Variants in AIPL1 observed in about 807,000 individuals in gnomAD.
The protein encoded by AIPL1 is aryl-hydrocarbon-interacting protein-like 1.
In AIPL1, 23 loss-of-function variants were observed where a neutral mutation model predicts 32.9. The observed-to-expected ratio is 0.70, with a 90% CI of 0.50 to 0.99. AIPL1 has a LOEUF of 0.99. AIPL1 is among the 50% of genes least tolerant of loss of function. AIPL1 has a pLI of 0.00. For missense variants in AIPL1, 485 were observed against 506.0 expected (o/e 0.96, Z 0.40); for synonymous variants, 210 against 209.4 (o/e 1.00, Z -0.02).
In AIPL1 at chr17:6,425,584, G is replaced by A; in HGVS notation, c.1031C>T (p.Ala344Val). 6.2e-7 allele frequency: 1 copy of A among 1,613,420 alleles called. No individual in the cohort carries two copies. Among genetic ancestry groups the A allele is most frequent in the Non-Finnish European group, 8.5e-7 (1 of 1,179,802 alleles). The change falls in exon 6 of 6, where the codon GCA becomes GTA. Residue 344 changes from alanine to valine, a missense_variant. Physicochemically the swap from Ala to Val is moderately conservative, Grantham distance 64. Coordinates refer to ENST00000381129, the MANE Select transcript of AIPL1 (RefSeq NM_014336.5). ...PPAEPPTEPP[A>V]QSSTEPPAEP... ...TGCAGGTGGCTCTGTGGATGACTGT[G>A]CGGGTGGCTCTGTGGGTGGCTCTGC...
At position 6,432,804 on chromosome 17, in the gene AIPL1, T is replaced by C. The variant is rs578002742; in HGVS notation, c.276+1115A>G. Among the ~76,000 whole-genome samples, 108 of 152,312 alleles carry C rather than the reference T, an allele frequency of 7.1e-4. 1 individual carries two copies. Among genetic ancestry groups the C allele is most frequent in the African/African-American group, 2.5e-3 (103 of 41,572 alleles). On this transcript the variant is annotated intron_variant, in intron 2 of 5. Coordinates refer to ENST00000381129, the MANE Select transcript of AIPL1 (RefSeq NM_014336.5). ...TGCCACCACGCCCAGCTAATTTTTGTATTTTTGGTAGAGACGGGGTTTCAC... is the reference window on the plus strand; with the variant it reads ...TGCCACCACGCCCAGCTAATTTTTGCATTTTTGGTAGAGACGGGGTTTCAC...
chr17:6,432,428 C>T (rs1200259762), intron 2 of AIPL1, among the ~76,000 whole-genome samples: 1 of 151,902 alleles, frequency 6.6e-6, no homozygotes, highest in Non-Finnish European at 1.5e-5. Flanking sequence ...TAAAAAGGCA[C>T]TTGAGAGACG....
rs112067004 is a variant in AIPL1, at chr17:6,434,721, G to C, written c.96+288C>G. ...CCAGGGAAGCCTAACAGACATTTGG[G>C]GACAAATACCAAGACTCCTCGGACT... On this transcript the variant is annotated intron_variant, in intron 1 of 5. Transcript: ENST00000381129. Among the ~76,000 whole-genome samples, 5,229 of 152,146 alleles carry C rather than the reference G, an allele frequency of 0.034. 191 individuals are homozygous for C. Among genetic ancestry groups the C allele is most frequent in the South Asian group, 0.11 (545 of 4,816 alleles).
At chr17:6,430,456 C>CAAAAAAAAAAAAAAAAAAAAAAAAAAAAA in intron 2 of AIPL1, among the ~76,000 whole-genome samples, 1 of 44,514 alleles carries the variant, frequency 2.2e-5, no homozygotes, top group Non-Finnish European at 4.0e-5. Flanking sequence ...AAGTCCGTCT[C>CAAAAAAAAAAAAAAAAAAAAAAAAAAAAA]AAAAAAAAAA....
At position 6,428,335 on chromosome 17, in the gene AIPL1, C is replaced by G. The variant is rs781613292; in HGVS notation, c.448G>C (p.Val150Leu). 1.9e-6 allele frequency: 3 copies of G among 1,609,894 alleles called. No individual in the cohort carries two copies. In the South Asian group the frequency reaches 3.3e-5, roughly 18 times the overall value. ...LQKEPQPLVF[V>L]IELLQVDAPS... ...AGCCCCACCTGCAGCAGCTCGATCA[C>G]AAAGACCAGAGGCTGAGGCTCCTTC... The change falls in exon 3 of 6, where the codon GTG becomes CTG. Residue 150 changes from valine (V) to leucine (L), a missense_variant. Coordinates refer to ENST00000381129, the MANE Select transcript of AIPL1 (RefSeq NM_014336.5).
chr17:6,430,380 C>T (rs4796327), intron 2 of AIPL1, among the ~76,000 whole-genome samples: 33,340 of 141,760 alleles, frequency 0.24, 4,638 homozygotes, highest in Admixed American at 0.36. Context: ...CGCTTGAACC[C>T]GGGAGGCAGA....
Position 6,434,060 on chromosome 17 carries a change from C to G in AIPL1, c.135G>C (p.Glu45Asp), listed in dbSNP as rs772532100. The change falls in exon 2 of 6, where the codon GAG becomes GAC. Residue 45 changes from glutamate to aspartate, a missense_variant. By Grantham distance (45) the Glu-to-Asp change is conservative. Coordinates refer to ENST00000381129, the MANE Select transcript of AIPL1 (RefSeq NM_014336.5). ...GCCGACTGTCGTCAATGACTGTCCG[C>G]TCCTCATCACATTTCATGGTGCGGA... ...FHFRTMKCDE[E>D]RTVIDDSRQV... The G allele has an allele frequency of 6.2e-7, 1 of 1,614,132 alleles. No individual in the cohort carries two copies. The highest frequency in any genetic ancestry group is 8.5e-7 in the Non-Finnish European group (1 of 1,180,038).
Position 6,425,512 on chromosome 17 carries a change from G to C in AIPL1, c.1103C>G (p.Ala368Gly). 1 of 1,610,106 alleles carries C rather than the reference G, an allele frequency of 6.2e-7. No individual in the cohort carries two copies. The highest frequency in any genetic ancestry group is 1.1e-5 in the South Asian group (1 of 91,054). ...CGGGGGTGGCTCTGTGGCTGGCTCT[G>C]CAGGGGGCCCTGCGGACAGCTCTGC... ...PSAELSAGPPAEPATEPPPSP... is the reference protein window; with the variant it reads ...PSAELSAGPPGEPATEPPPSP... The change falls in exon 6 of 6, where the codon GCA becomes GGA. Residue 368 changes from alanine (A) to glycine (G), a missense_variant. By Grantham distance (60) the Ala-to-Gly change is moderately conservative (BLOSUM62 0). Transcript: ENST00000381129.
chr17:6,426,000 A>C (rs1415031077), intron 5 of AIPL1, 170 bp from the exon 6 acceptor site: 2 of 1,045,838 alleles, frequency 1.9e-6, no homozygotes, highest in Non-Finnish European at 2.7e-6. Flanking sequence ...GATGATGATC[A>C]TAATAGCAGT....
intron 1 of AIPL1, among the ~76,000 whole-genome samples, chr17:6,434,647 C>T (rs1912992180): frequency 6.6e-6 from 1 of 152,198 alleles, no homozygotes; most frequent in Non-Finnish European, 1.5e-5. Context: ...CGGGAGCCGC[C>T]TCGCCTGGCC....
At chr17:6,425,906 C>A in intron 5 of AIPL1, 76 bp from the exon 6 acceptor site, 1 of 1,541,560 alleles carries the variant, frequency 6.5e-7, no homozygotes, top group South Asian at 1.2e-5. Context: ...CTGGGACTCA[C>A]CAGCCTCCAA....
rs1911990707 is a variant in AIPL1 at position 6,426,629 on chromosome 17, A to G, written c.770T>C (p.Leu257Pro). 6.2e-7 allele frequency: 1 copy of G among 1,613,940 alleles called. No homozygotes were observed. Among genetic ancestry groups the G allele is most frequent in the African/African-American group, 1.3e-5 (1 of 74,932 alleles). ...GCCCCGCGCACCTGGGTGGTGCCGG[A>G]GAATATCACTGGTGTGCTCCAGCAC... ...YEVLEHTSDILRHHPGIVKAY... is the reference protein window; with the variant it reads ...YEVLEHTSDIPRHHPGIVKAY... The change falls in exon 5 of 6, where the codon CTC becomes CCC. Residue 257 changes from leucine (L) to proline (P), a missense_variant. Coordinates refer to ENST00000381129, the MANE Select transcript of AIPL1 (RefSeq NM_014336.5).
rs113891311 is a variant in AIPL1 at position 6,426,326 on chromosome 17, A to T, written c.784+289T>A. On this transcript the variant is annotated intron_variant, in intron 5 of 5. Coordinates refer to ENST00000381129, the MANE Select transcript of AIPL1 (RefSeq NM_014336.5). ...CATCATAATATTTTTCCCTATATTG[A>T]TTGCCCCTCTTTTTTAAACGCCTGT... is the stretch of plus-strand genomic sequence containing the variant. 5.9e-4 allele frequency: 815 copies of T among 1,387,914 alleles called. 2 individuals are homozygous for T. Among genetic ancestry groups the T allele is most frequent in the African/African-American group, 4.9e-3 (335 of 68,872 alleles). 86.0% of individuals were successfully genotyped at this position (1,387,914 alleles called of 1,614,324 possible). A position where few individuals can be genotyped will look rare whatever the true frequency, so the allele number is the denominator to read the frequency against.
Position 6,432,227 on chromosome 17 carries a change from C to CA in AIPL1, c.276+1691dup, listed in dbSNP as rs575729478. Among the ~76,000 whole-genome samples the CA allele has an allele frequency of 2.3e-3, 344 of 152,024 alleles. 2 individuals are homozygous for CA. The highest frequency in any genetic ancestry group is 7.2e-3 in the African/African-American group (300 of 41,498). On this transcript the variant is annotated intron_variant, in intron 2 of 5. Transcript: ENST00000381129. The stretch of plus-strand genomic sequence containing the variant: ...GTGAAACCCTGTCTGTACTAAAATA[C>CA]AAAAAATTACCCAGGCGTGGTGGCG...
chr17:6,428,254 A>C (rs1597330709), intron 3 of AIPL1, 64 bp downstream of exon 3: 2 of 1,582,074 alleles, frequency 1.3e-6, no homozygotes, highest in East Asian at 2.2e-5. Flanking sequence ...GGGGGTGCCC[A>C]TGATGCCCGC....
intron 2 of AIPL1, among the ~76,000 whole-genome samples, chr17:6,430,451 C>T (rs1334592754): frequency 4.7e-5 from 4 of 85,202 alleles, no homozygotes; most frequent in South Asian, 6.9e-4. Flanking sequence ...AGCGAAAGTC[C>T]GTCTCAAAAA....
At chr17:6,429,818 AGGTAGG>A (rs1912371709) in intron 2 of AIPL1, among the ~76,000 whole-genome samples, 10 of 43,864 alleles carry the variant, frequency 2.3e-4, no homozygotes, top group East Asian at 1.1e-3. Flanking sequence ...GTAGGTAGGT[AGGTAGG>A]TAGATAGATA....
intron 2 of AIPL1, among the ~76,000 whole-genome samples, chr17:6,431,232 G>A (rs1183052595): frequency 1.3e-5 from 2 of 151,976 alleles, no homozygotes; most frequent in Non-Finnish European, 2.9e-5. Context: ...GATCACTTGA[G>A]GTCAAGAGTT....
rs751994982 is a variant in AIPL1, at chr17:6,426,741, C to T, written c.658G>A (p.Val220Met). 133 of 1,613,840 alleles carry T rather than the reference C, an allele frequency of 8.2e-5. No homozygotes were observed. The highest frequency in any genetic ancestry group is 1.1e-4 in the Non-Finnish European group (124 of 1,179,950). Residue 220 changes from valine to methionine, a missense_variant, in exon 5 of 6, where the codon GTG becomes ATG. Transcript: ENST00000381129. ...NLQTKEKPWEVQWLKLEKMIN... is the reference protein window; with the variant it reads ...NLQTKEKPWEMQWLKLEKMIN... ...ATCTTCTCCAGCTTCAGCCACTGCA[C>T]CTCCCATGGCTTCTCCTGCCCAGGG... is the stretch of plus-strand genomic sequence containing the variant.
Sources: gnomAD v4.1 joint callset for allele counts (sites outside exome capture counted in the v4.1 genomes callset) on GRCh38, gnomAD v4.1.1 for gene constraint, MANE v1.5 for transcripts, NCBI Gene and HGNC (gene_info 2026-07-23, HGNC 2026-07-21) for gene names.